Variants in PKHD1L1 observed in about 807,000 individuals in gnomAD.
The protein encoded by PKHD1L1 is PKHD1 like 1.
PKHD1L1 carries 434 observed loss-of-function variants against 462.9 expected under a neutral mutation model. The observed-to-expected ratio is 0.94, with a 90% CI of 0.87 to 1.02. The LOEUF (loss-of-function observed/expected upper bound fraction) is 1.02. Among genes scored for constraint, PKHD1L1 ranks in the 50% least tolerant of loss-of-function variants. The pLI is 0.00. For missense variants in PKHD1L1, 5,202 were observed against 5,096.1 expected, an observed-to-expected ratio of 1.02 and a Z score of -0.63; for synonymous variants, 1,781 against 1,750.0, an observed-to-expected ratio of 1.02 and a Z score of -0.44.
rs766480817 is a variant in PKHD1L1 at position 109,364,527 on chromosome 8, T to G, written c.74-20T>G. The G allele has an allele frequency of 6.6e-7, 1 of 1,504,922 alleles. No homozygotes were observed. Among genetic ancestry groups the G allele is most frequent in the Non-Finnish European group, 9.1e-7 (1 of 1,094,066 alleles). 93.2% of individuals were successfully genotyped at this position (1,504,922 alleles called of 1,614,324 possible). On this transcript the variant is annotated intron_variant, in intron 1 of 77. Coordinates refer to ENST00000378402, the MANE Select transcript of PKHD1L1 (RefSeq NM_177531.6). ...AGAACTTGGTGATTTTTACCTCTAC[T>G]GTATTTTAATATTTTTCAGATGGCT...
rs1429597383 is a variant in PKHD1L1 at position 109,530,863 on chromosome 8, C to T, written c.*773C>T. Among the ~76,000 whole-genome samples, 3 of 152,074 alleles carry T rather than the reference C, an allele frequency of 2.0e-5. No individual in the cohort carries two copies. The highest frequency in any genetic ancestry group is 1.3e-4 in the Admixed American group (2 of 15,268). ...GAGGGGTTCCCTTAACTGGTGGATG[C>T]TTATTCACTGTTTACTGGATGAATG... On this transcript the variant is annotated 3_prime_UTR_variant, in exon 78 of 78. Transcript: ENST00000378402.
At chr8:109,372,520 G>A (rs971331848) in intron 2 of PKHD1L1, among the ~76,000 whole-genome samples, 3 of 152,110 alleles carry the variant, frequency 2.0e-5, no homozygotes. Flanking sequence ...TGGTTGCCCT[G>A]GCCAGAACTT....
intron 31 of PKHD1L1, among the ~76,000 whole-genome samples, 197 bp downstream of exon 31, chr8:109,438,653 A>G (rs548614943): frequency 6.6e-6 from 1 of 152,180 alleles, no homozygotes; most frequent in East Asian, 1.9e-4. Context: ...GGAGAAAAAT[A>G]GTAAGTTTTT....
At chr8:109,512,992 C>G (rs1323315491) in intron 71 of PKHD1L1, among the ~76,000 whole-genome samples, 2 of 151,908 alleles carry the variant, frequency 1.3e-5, no homozygotes, top group African/African-American at 4.8e-5. Flanking sequence ...ATTTGGCTCT[C>G]TGTTTGTCTG....
At chr8:109,430,567 T>G (rs565021016) in intron 27 of PKHD1L1, among the ~76,000 whole-genome samples, 5 of 152,332 alleles carry the variant, frequency 3.3e-5, no homozygotes, top group African/African-American at 1.2e-4. Flanking sequence ...TCATAAATGG[T>G]ATTATTGCTT....
chr8:109,388,185 T>G (rs1045311060), intron 6 of PKHD1L1, among the ~76,000 whole-genome samples: 8 of 152,196 alleles, frequency 5.3e-5, no homozygotes, highest in African/African-American at 1.9e-4. Flanking sequence ...TTTCTTGTAG[T>G]ATTTAACACC....
chr8:109,373,120 A>AATCC (rs1271595251), intron 2 of PKHD1L1, among the ~76,000 whole-genome samples: 2 of 152,190 alleles, frequency 1.3e-5, no homozygotes, highest in Non-Finnish European at 2.9e-5. Flanking sequence ...TTCGGCTGTG[A>AATCC]ATCCATCTGG....
chr8:109,507,731 T>C lies in PKHD1L1; in HGVS notation c.11063T>C (p.Ile3688Thr), dbSNP rs763073432. Residue 3688 changes from isoleucine to threonine, a missense_variant, in exon 69 of 78, where the codon ATA becomes ACA. Coordinates refer to ENST00000378402, the MANE Select transcript of PKHD1L1 (RefSeq NM_177531.6). ...AAGAGGAAATCTTTTCTTAGAGACA[T>C]AGATGGCTCCTTTCTGGGGAATGCT... is the stretch of plus-strand genomic sequence containing the variant. The part of the protein sequence containing the change: ...DAKRKSFLRD[I>T]DGSFLGNAGS... 7.4e-6 allele frequency: 12 copies of C among 1,613,504 alleles called. No individual in the cohort carries two copies. The highest frequency in any genetic ancestry group is 1.0e-5 in the Non-Finnish European group (12 of 1,179,654).
intron 62 of PKHD1L1, among the ~76,000 whole-genome samples, chr8:109,492,474 G>C (rs56810186): frequency 0.048 from 7,342 of 151,862 alleles, 426 homozygotes; most frequent in African/African-American, 0.14. Flanking sequence ...AAAAGAGAAA[G>C]TAGAGGAGAT....
intron 58 of PKHD1L1, among the ~76,000 whole-genome samples, chr8:109,485,960 T>A (rs974079559): frequency 6.6e-6 from 1 of 151,994 alleles, no homozygotes; most frequent in African/African-American, 2.4e-5. Context: ...AAACAGTTGG[T>A]TTTTGAAGTT....
intron 62 of PKHD1L1, among the ~76,000 whole-genome samples, chr8:109,493,149 T>C (rs1818915025): frequency 6.7e-6 from 1 of 150,348 alleles, no homozygotes; most frequent in Non-Finnish European, 1.5e-5. Context: ...CTGGGCAACA[T>C]AGCGAGACCC....
chr8:109,478,271 A>T (rs1351259720), intron 53 of PKHD1L1, among the ~76,000 whole-genome samples: 1 of 152,188 alleles, frequency 6.6e-6, no homozygotes, highest in Admixed American at 6.6e-5. Context: ...AAAAAAATTT[A>T]CTGAGTATCC....
chr8:109,491,852 T>C (rs1451663202), intron 61 of PKHD1L1, 21 bp from the exon 62 acceptor site: 3 of 1,531,838 alleles, frequency 2.0e-6, no homozygotes, highest in African/African-American at 3.1e-5. Context: ...ATTTTCTTTC[T>C]TTTTTTCTTT....
intron 70 of PKHD1L1, 62 bp downstream of exon 70, chr8:109,508,326 A>G (rs932136874): frequency 1.4e-6 from 2 of 1,462,240 alleles, no homozygotes; most frequent in Admixed American, 4.4e-5. Flanking sequence ...TAAATGCATG[A>G]AGCCATCTCA....
Position 109,533,989 on chromosome 8 carries a change from G to C in PKHD1L1, c.*3899G>C, listed in dbSNP as rs1331645111. Among the ~76,000 whole-genome samples the C allele has an allele frequency of 6.6e-6, 1 of 152,192 alleles. No individual in the cohort carries two copies. The highest frequency in any genetic ancestry group is 1.5e-5 in the Non-Finnish European group (1 of 68,038). On this transcript the variant is annotated 3_prime_UTR_variant, in exon 78 of 78. Coordinates refer to ENST00000378402, the MANE Select transcript of PKHD1L1 (RefSeq NM_177531.6). The stretch of plus-strand genomic sequence containing the variant: ...GCCCTTGCTCCTTTAGGGTTTCATT[G>C]TTATTTGGTGGTTATCCTAAATCTC...
intron 2 of PKHD1L1, among the ~76,000 whole-genome samples, chr8:109,368,337 A>G (rs1219790522): frequency 6.6e-6 from 1 of 152,218 alleles, no homozygotes; most frequent in Non-Finnish European, 1.5e-5. Flanking sequence ...CTGGCTTTCA[A>G]TTCACCTTTG....
In PKHD1L1 at chr8:109,465,030, G is replaced by C. The variant is rs1413275243; in HGVS notation, c.8198G>C (p.Ser2733Thr). The change falls in exon 49 of 78, where the codon AGT becomes ACT. Residue 2733 changes from serine to threonine, a missense_variant. By Grantham distance (58) the Ser-to-Thr change is moderately conservative (BLOSUM62 1). This residue lies in a region of PKHD1L1 where 4,497 missense variants were observed against 4,336.8 expected (regional missense o/e 1.04). Transcript: ENST00000378402. ...CTAKGLVLPF[S>T]EGLTVSSVHF... The stretch of plus-strand genomic sequence containing the variant: ...GCAAAAGGCCTGGTTCTCCCATTTA[G>C]TGAAGGCTTGACTGTCTCTTCTGTG... 6.2e-7 allele frequency: 1 copy of C among 1,613,710 alleles called. No homozygotes were observed. Among genetic ancestry groups the C allele is most frequent in the African/African-American group, 1.3e-5 (1 of 74,900 alleles).
intron 4 of PKHD1L1, among the ~76,000 whole-genome samples, chr8:109,382,918 T>C (rs1379476800): frequency 2.0e-5 from 3 of 149,642 alleles, no homozygotes; most frequent in Non-Finnish European, 3.0e-5. Context: ...ACGTAATTTC[T>C]AACGTAATGA....
intron 46 of PKHD1L1, among the ~76,000 whole-genome samples, chr8:109,456,857 G>A (rs1017696571): frequency 2.0e-5 from 3 of 152,088 alleles, no homozygotes; most frequent in Non-Finnish European, 2.9e-5. Flanking sequence ...TTAGCAAATG[G>A]TTCCCACTGA....
Sources: gnomAD v4.1 joint callset for allele counts (sites outside exome capture counted in the v4.1 genomes callset) on GRCh38, gnomAD v4.1.1 for gene constraint, gnomAD v4.1.1 regional missense constraint, MANE v1.5 for transcripts, NCBI Gene and HGNC (gene_info 2026-07-23, HGNC 2026-07-21) for gene names.